Variants in SMUG1 observed in about 807,000 individuals in gnomAD.
The protein encoded by SMUG1 is single-strand-selective monofunctional uracil-DNA glycosylase 1.
Under a neutral mutation model 23.9 loss-of-function variants are expected in SMUG1, and 13 were observed. That is an observed-to-expected ratio of 0.54 (90% CI 0.35 to 0.86). SMUG1 has a LOEUF of 0.86. SMUG1 is among the 40% of genes least tolerant of loss of function. SMUG1 has a pLI of 0.01. For missense variants in SMUG1, 313 were observed against 339.5 expected (o/e 0.92, Z 0.61); for synonymous variants, 133 against 139.8 (o/e 0.95, Z 0.34).
At chr12:54,182,808 T>C (rs561583713) in intron 3 of SMUG1, 185 bp from the exon 4 acceptor site, 2 of 1,214,608 alleles carry the variant, frequency 1.6e-6, no homozygotes, top group East Asian at 2.6e-5. Context: ...CTTTTTCCAG[T>C]TCTTCATTGT....
intron 1 of SMUG1, among the ~76,000 whole-genome samples, chr12:54,188,216 C>A (rs1477323530): frequency 1.3e-5 from 2 of 150,692 alleles, no homozygotes; most frequent in East Asian, 1.9e-4. Context: ...ACTCCCCTGT[C>A]CTTTGGAGGC....
chr12:54,178,638 C>A (rs373157987), downstream of SMUG1, among the ~76,000 whole-genome samples: 17 of 152,142 alleles, frequency 1.1e-4, 1 homozygote, highest in Admixed American at 9.2e-4. Context: ...GTGTTCTGTG[C>A]ATCTCACTTC....
chr12:54,163,474 G>A (rs114715525), downstream of SMUG1, among the ~76,000 whole-genome samples: 437 of 152,294 alleles, frequency 2.9e-3, no homozygotes, highest in African/African-American at 9.7e-3. Context: ...GCAATGTATC[G>A]TTAGTAGCAC....
At position 54,173,440 on chromosome 12, in the gene SMUG1, G is replaced by A. The variant is rs544030362; in HGVS notation, c.399-1331C>T. 4.6e-5 allele frequency among the ~76,000 whole-genome samples: 7 copies of A among 152,112 alleles called. No homozygotes were observed. The South Asian group carries it at 1.5e-3, about 32-fold the overall frequency. ...AGGCGGGGAGTGGCGGGAAGCGGCC[G>A]GGAGCGGGGCGGGCGCAGCAGAGCG... On this transcript the variant is annotated intron_variant and NMD_transcript_variant, in intron 2 of 4. Transcript: ENST00000509864.
Position 54,181,617 on chromosome 12 carries a change from T to C in SMUG1, c.*479A>G. ...CAGCCTCCCATAAGAAGTTCACTCT[T>C]AATTTCATGTCCCATGCTTTGTCTT... On this transcript the variant is annotated 3_prime_UTR_variant, in exon 4 of 4. Transcript: ENST00000682136. 6.3e-7 allele frequency: 1 copy of C among 1,585,214 alleles called. No individual in the cohort carries two copies. The highest frequency in any genetic ancestry group is 8.5e-7 in the Non-Finnish European group (1 of 1,173,234).
downstream of SMUG1, among the ~76,000 whole-genome samples, chr12:54,160,989 C>T (rs1940239705): frequency 6.6e-6 from 1 of 152,198 alleles, no homozygotes; most frequent in African/African-American, 2.4e-5. Context: ...TCCCTCTCCC[C>T]TCACAGGGCA....
intron 2 of SMUG1, among the ~76,000 whole-genome samples, chr12:54,185,178 C>A (rs552575606): frequency 6.6e-6 from 1 of 152,062 alleles, no homozygotes; most frequent in African/African-American, 2.4e-5. Flanking sequence ...CATGGTGGTA[C>A]GTGCCTGTAA....
chr12:54,180,250 C>T (rs1036201863), downstream of SMUG1: 8 of 152,190 alleles, frequency 5.3e-5, no homozygotes, highest in African/African-American at 1.9e-4. Context: ...TTAGGTGCAG[C>T]CTAAGGTCAA....
At chr12:54,176,871 A>T (rs1157251361), downstream of SMUG1, among the ~76,000 whole-genome samples, 2 of 151,830 alleles carry the variant, frequency 1.3e-5, no homozygotes, top group Non-Finnish European at 2.9e-5. Context: ...CTTCACCAAC[A>T]CAATCTATCC....
At position 54,183,941 on chromosome 12, in the gene SMUG1, A is replaced by G; in HGVS notation, c.-1T>C. On this transcript the variant is annotated 5_prime_UTR_variant, in exon 3 of 4. Coordinates refer to ENST00000682136, the MANE Select transcript of SMUG1 (RefSeq NM_001243787.2). The stretch of plus-strand genomic sequence containing the variant: ...ACCCCAGCAGGAAAGCCTGGGGCAT[A>G]TGTCCATGCCGCTGTCACCTGGGAA... 1.9e-6 allele frequency: 3 copies of G among 1,549,660 alleles called. No individual in the cohort carries two copies. Among genetic ancestry groups the G allele is most frequent in the Non-Finnish European group, 2.6e-6 (3 of 1,148,964 alleles).
rs1476347732 is a variant in SMUG1, at chr12:54,182,087, C to A, written c.*9G>T. On this transcript the variant is annotated 3_prime_UTR_variant, in exon 4 of 4. Coordinates refer to ENST00000682136, the MANE Select transcript of SMUG1 (RefSeq NM_001243787.2). ...CTTGAATGTGTCCCATGCAAGGCCC[C>A]AAGGGCACTCATTTCAACAGCAGTG... 7.2e-6 allele frequency: 11 copies of A among 1,532,130 alleles called. No homozygotes were observed. Among genetic ancestry groups the A allele is most frequent in the Non-Finnish European group, 9.6e-6 (11 of 1,140,116 alleles). 94.9% of individuals were successfully genotyped at this position (1,532,130 alleles called of 1,614,324 possible). A position where few individuals can be genotyped will look rare whatever the true frequency, so the allele number is the denominator to read the frequency against.
At position 54,183,928 on chromosome 12, in the gene SMUG1, A is replaced by C; in HGVS notation, c.13T>G (p.Phe5Val). MPQA[F>V]LLGSIHEPAG... ...GGCTCATGGATGGACCCCAGCAGGA[A>C]AGCCTGGGGCATATGTCCATGCCGC... Residue 5 changes from phenylalanine to valine, a missense_variant, in exon 3 of 4, where the codon TTC becomes GTC. Coordinates refer to ENST00000682136, the MANE Select transcript of SMUG1 (RefSeq NM_001243787.2). 1 of 1,572,610 alleles carries C rather than the reference A, an allele frequency of 6.4e-7. No homozygotes were observed. The highest frequency in any genetic ancestry group is 8.6e-7 in the Non-Finnish European group (1 of 1,160,000).
downstream of SMUG1, among the ~76,000 whole-genome samples, chr12:54,176,517 A>ACCC (rs1247915453): frequency 8.3e-3 from 620 of 75,002 alleles, 68 homozygotes; most frequent in African/African-American, 0.03. Flanking sequence ...TCCCCCCCCA[A>ACCC]AAAAAAAGGC....
intron 3 of SMUG1, chr12:54,168,638 T>C (rs1213944795): frequency 6.6e-6 from 1 of 152,120 alleles, no homozygotes; most frequent in African/African-American, 2.4e-5. Context: ...GGGGATAAAA[T>C]GGTGAATGAC....
chr12:54,183,729 C>T lies in SMUG1; in HGVS notation c.212G>A (p.Arg71His), dbSNP rs549646851. ...AWEPHRNYVT[R>H]YCQGPKEVLF... ...TACTTCCTTGGGGCCCTGGCAGTAG[C>T]GAGTCACGTAGTTGCGATGTGGCTC... Residue 71 changes from arginine (R) to histidine (H), a missense_variant, in exon 3 of 4, where the codon CGC (arginine) becomes CAC (histidine). Transcript: ENST00000682136. The T allele has an allele frequency of 2.7e-5, 43 of 1,613,886 alleles. No homozygotes were observed. The highest frequency in any genetic ancestry group is 3.5e-5 in the Non-Finnish European group (41 of 1,179,962).
chr12:54,182,824 G>T, intron 3 of SMUG1: 2 of 1,085,308 alleles, frequency 1.8e-6, no homozygotes, highest in South Asian at 1.8e-5. Context: ...ATTGTGAACC[G>T]TGGTCCAGAA....
chr12:54,181,516 G>A lies in SMUG1; in HGVS notation c.*580C>T. The stretch of plus-strand genomic sequence containing the variant: ...TAATTTGTCAATCAAAAAGTTCCAA[G>A]TTTCAAAGCTGGGATGAAAAGCCAG... On this transcript the variant is annotated 3_prime_UTR_variant, in exon 4 of 4. Coordinates refer to ENST00000682136, the MANE Select transcript of SMUG1 (RefSeq NM_001243787.2). 6.5e-7 allele frequency: 1 copy of A among 1,529,596 alleles called. No homozygotes were observed. Among genetic ancestry groups the A allele is most frequent in the Admixed American group, 2.0e-5 (1 of 50,960 alleles). The allele number at this position is 1,529,596 out of a possible 1,614,324, so 94.8% of individuals were successfully genotyped here. A position where few individuals can be genotyped will look rare whatever the true frequency, so the allele number is the denominator to read the frequency against.
At chr12:54,177,421 T>G (rs1441676140), downstream of SMUG1, among the ~76,000 whole-genome samples, 1 of 152,246 alleles carries the variant, frequency 6.6e-6, no homozygotes, top group Non-Finnish European at 1.5e-5. Context: ...TCAATTTCTG[T>G]GTCATCCAAT....
downstream of SMUG1, among the ~76,000 whole-genome samples, chr12:54,163,576 G>A (rs1940341756): frequency 6.6e-6 from 1 of 152,156 alleles, no homozygotes; most frequent in Non-Finnish European, 1.5e-5. Context: ...GGAAGCTGGG[G>A]GCGCCAAGAT....
Sources: allele counts gnomAD v4.1 joint callset (sites outside exome capture counted in the v4.1 genomes callset), GRCh38; gene constraint gnomAD v4.1.1; transcripts MANE v1.5; gene names NCBI Gene and HGNC (gene_info 2026-07-23, HGNC 2026-07-21).